KIF19: variants seen among roughly 807,000 people sequenced by gnomAD.
KIF19 encodes the protein kinesin-like protein KIF19.
Under a neutral mutation model 106.6 loss-of-function variants are expected in KIF19, and 98 were observed. The observed-to-expected ratio is 0.92, with a 90% CI of 0.78 to 1.09. The LOEUF (loss-of-function observed/expected upper bound fraction) is 1.09, where lower values mean the gene tolerates loss of function less well. Ranked by LOEUF, KIF19 falls within the 50% of genes least tolerant of loss-of-function variation. The probability of loss-of-function intolerance (pLI) is 0.00; values close to 1 mark genes in which losing one functional copy is unlikely to be tolerated. For missense variants in KIF19, 1,373 were observed against 1,414.3 expected (o/e 0.97, Z 0.47); for synonymous variants, 516 against 584.2 (o/e 0.88, Z 1.68).
At chr17:74,348,401 G>C (rs914162120) in intron 9 of KIF19, among the ~76,000 whole-genome samples, 9 of 152,278 alleles carry the variant, frequency 5.9e-5, no homozygotes, top group Non-Finnish European at 1.3e-4. Context: ...ATGGAAATGA[G>C]ATCTGCCCCG....
At chr17:74,355,148 G>A (rs771211620) in intron 19 of KIF19, 34 bp from the exon 20 acceptor site, 38 of 1,562,164 alleles carry the variant, frequency 2.4e-5, no homozygotes, top group East Asian at 4.5e-5. Flanking sequence ...GAGGCATTCC[G>A]AAACCACTGA....
At chr17:74,338,229 C>G (rs552843939) in intron 2 of KIF19, among the ~76,000 whole-genome samples, 1 of 152,364 alleles carries the variant, frequency 6.6e-6, no homozygotes, top group Admixed American at 6.5e-5. Context: ...AGAGCGGGAG[C>G]AGCTGGCTGG....
chr17:74,344,977 G>A (rs1338086880), intron 7 of KIF19, 22 bp downstream of exon 7: 1 of 1,577,036 alleles, frequency 6.3e-7, no homozygotes, highest in East Asian at 2.3e-5. Context: ...ACCTGGGCTG[G>A]GCAGAGGAGG....
chr17:74,344,378 C>T lies in KIF19; in HGVS notation c.582+30C>T, dbSNP rs114357751. On this transcript the variant is annotated intron_variant, in intron 6 of 19. Transcript: ENST00000389916. ...GTTTTGTGTGGCCAGCCTGGAGCCG[C>T]TGAGAGGAAGCTCACCGCCTGAGGG... 697 of 1,606,522 alleles carry T rather than the reference C, an allele frequency of 4.3e-4. 3 individuals are homozygous for T. In the African/African-American group the frequency reaches 8.0e-3, roughly 18 times the overall value.
intron 2 of KIF19, among the ~76,000 whole-genome samples, chr17:74,336,888 C>G (rs2054231216): frequency 6.6e-6 from 1 of 152,096 alleles, no homozygotes; most frequent in Non-Finnish European, 1.5e-5. Context: ...TGTGGTGGCA[C>G]AATCTTGGCT....
intron 2 of KIF19, among the ~76,000 whole-genome samples, chr17:74,338,661 A>G (rs2054280369): frequency 6.6e-6 from 1 of 151,892 alleles, no homozygotes; most frequent in African/African-American, 2.4e-5. Flanking sequence ...AACCTATCCC[A>G]GGAGTCCAGG....
At chr17:74,347,322 A>G (rs9783811) in intron 8 of KIF19, among the ~76,000 whole-genome samples, 15,736 of 152,200 alleles carry the variant, frequency 0.1, 917 homozygotes, top group Admixed American at 0.13. Context: ...GGATCACTTA[A>G]GGTCAGGAGT....
intron 2 of KIF19, among the ~76,000 whole-genome samples, chr17:74,332,218 G>GTGTGTGTGTGTGTGTGTGTGTT (rs2054112824): frequency 9.0e-6 from 1 of 110,698 alleles, no homozygotes; most frequent in African/African-American, 3.4e-5. Context: ...GTTTGTGTGT[G>GTGTGTGTGTGTGTGTGTGTGTT]TGTGTGTGTG....
rs1239503199 is a variant in KIF19, at chr17:74,331,417, C to A, written c.120+2912C>A. On this transcript the variant is annotated intron_variant, in intron 2 of 19. Coordinates refer to ENST00000389916, the MANE Select transcript of KIF19 (RefSeq NM_153209.4). The surrounding 1 kb of genome is among the most constrained non-coding windows in gnomAD (Gnocchi z 4.1). ...TGGGCCACCGTGAGGGGTCCTGGGG[C>A]AGCTTTCTTTAGTCTAGGCATTGTT... Among the ~76,000 whole-genome samples the A allele has an allele frequency of 6.6e-6, 1 of 152,072 alleles. No homozygotes were observed. Among genetic ancestry groups the A allele is most frequent in the Non-Finnish European group, 1.5e-5 (1 of 68,008 alleles).
At chr17:74,326,478 C>T in intron 1 of KIF19, 90 bp downstream of exon 1, 2 of 1,287,892 alleles carry the variant, frequency 1.6e-6, no homozygotes, top group South Asian at 1.3e-5. Flanking sequence ...CTCGCCGCCA[C>T]CCCACTGAGA....
chr17:74,355,253 C>T lies in KIF19; in HGVS notation c.2938C>T (p.Pro980Ser), dbSNP rs764772160. 1.4e-5 allele frequency: 23 copies of T among 1,612,596 alleles called. No individual in the cohort carries two copies. The highest frequency in any genetic ancestry group is 1.9e-5 in the Non-Finnish European group (23 of 1,179,640). ...TGGTTCTCGACGGGCTACCCGTGGG[C>T]CCCGCCTGCCCCACGGCACAAGCAC... ...GGGSRRATRG[P>S]RLPHGTSTHG... Residue 980 changes from proline to serine, a missense_variant, in exon 20 of 20, where the codon CCC (proline) becomes TCC (serine). By Grantham distance (74) the Pro-to-Ser change is moderately conservative. Coordinates refer to ENST00000389916, the MANE Select transcript of KIF19 (RefSeq NM_153209.4).
In KIF19 at chr17:74,350,859, G is replaced by T. The variant is rs775387801; in HGVS notation, c.1541G>T (p.Ser514Ile). 1.6e-5 allele frequency: 26 copies of T among 1,613,908 alleles called. 1 individual carries two copies. The South Asian group carries it at 1.6e-4, about 10-fold the overall frequency. ...EPPEVAAARE[S>I]IAALVDEQKQ... The stretch of plus-strand genomic sequence containing the variant: ...CCCGAGGTGGCCGCAGCCCGGGAGA[G>T]CATTGCAGCCCTGGTGGACGAGCAG... Residue 514 changes from serine (S) to isoleucine (I), a missense_variant, in exon 12 of 20, where the codon AGC becomes ATC. Ser to Ile is a moderately radical substitution (Grantham distance 142). Coordinates refer to ENST00000389916, the MANE Select transcript of KIF19 (RefSeq NM_153209.4).
Position 74,353,494 on chromosome 17 carries a change from G to A in KIF19, c.2221G>A (p.Ala741Thr). The A allele has an allele frequency of 6.2e-7, 1 of 1,613,692 alleles. No homozygotes were observed. The change falls in exon 17 of 20, where the codon GCC becomes ACC. Residue 741 changes from alanine (A) to threonine (T), a missense_variant and splice_region_variant. Ala to Thr is a moderately conservative substitution (Grantham distance 58). Around this residue, in one of 3 missense-constraint regions of KIF19, gnomAD observed 1,020 missense variants for 1,008.2 expected, o/e 1.01. Coordinates refer to ENST00000389916, the MANE Select transcript of KIF19 (RefSeq NM_153209.4). ...TCCTCCCAACCACTCCACCCCACAG[G>A]CCCCGGCTCAGGACAGCCTGGGCAG... is the stretch of plus-strand genomic sequence containing the variant. ...IQLGSLVTQEAPAQDSLGSWI... is the reference protein window; with the variant it reads ...IQLGSLVTQETPAQDSLGSWI...
rs115845085 is a variant in KIF19 at position 74,343,291 on chromosome 17, G to A, written c.456+131G>A. The A allele has an allele frequency of 1.3e-3, 1,255 of 932,870 alleles. 14 individuals carry two copies. The African/African-American group carries it at 0.019, about 14-fold the overall frequency. 57.8% of individuals were successfully genotyped at this position (932,870 alleles called of 1,614,324 possible). On this transcript the variant is annotated intron_variant, in intron 5 of 19. Transcript: ENST00000389916. ...CTGTGAGCTCCACTTTACAAACATC[G>A]CAGGCTCATCAGAGAGGTTAGGCAA... is the stretch of plus-strand genomic sequence containing the variant.
rs560217359 is a variant in KIF19, at chr17:74,354,746, C to T, written c.2707-36C>T. 4.3e-5 allele frequency: 67 copies of T among 1,542,292 alleles called. 1 individual carries two copies. The South Asian group carries it at 6.3e-4, about 15-fold the overall frequency. The stretch of plus-strand genomic sequence containing the variant: ...AGATCCTGGTAGCAGATCCCTGTGC[C>T]GCTCTCGGCCTCACCCCACTGTTCA... On this transcript the variant is annotated intron_variant, in intron 18 of 19. Coordinates refer to ENST00000389916, the MANE Select transcript of KIF19 (RefSeq NM_153209.4).
In KIF19 at chr17:74,350,729, C is replaced by G; in HGVS notation, c.1411C>G (p.Arg471Gly). The change falls in exon 12 of 20, where the codon CGG becomes GGG. Residue 471 changes from arginine (R) to glycine (G), a missense_variant. By Grantham distance (125) the Arg-to-Gly change is moderately radical (BLOSUM62 -2). This residue lies in a region of KIF19 where 1,020 missense variants were observed against 1,008.2 expected (regional missense o/e 1.01). Coordinates refer to ENST00000389916, the MANE Select transcript of KIF19 (RefSeq NM_153209.4). ...IAGWKHEKSR[R>G]ALKWREEQRK... ...CAGCTGGAAGCATGAGAAGTCCCGC[C>G]GGGCCCTCAAATGGCGGGAGGAGCA... 1 of 1,613,830 alleles carries G rather than the reference C, an allele frequency of 6.2e-7. No individual in the cohort carries two copies. Among genetic ancestry groups the G allele is most frequent in the South Asian group, 1.1e-5 (1 of 91,068 alleles).
intron 2 of KIF19, among the ~76,000 whole-genome samples, chr17:74,339,560 C>A (rs2054304461): frequency 6.6e-6 from 1 of 151,278 alleles, no homozygotes; most frequent in South Asian, 2.1e-4. Flanking sequence ...CATTCCCTAC[C>A]TCCCTCGCCC....
intron 19 of KIF19, 36 bp downstream of exon 19, chr17:74,354,977 C>A: frequency 1.3e-6 from 2 of 1,570,106 alleles, no homozygotes; most frequent in Non-Finnish European, 1.7e-6. Flanking sequence ...GGAGGGGAGG[C>A]CTCCACCAGG....
chr17:74,353,177 C>A lies in KIF19; in HGVS notation c.2115-19C>A. The stretch of plus-strand genomic sequence containing the variant: ...GATAGCCTGGTCTACAGCCACTCAT[C>A]TTCCTCTGCCAACTTCAGTGAAGGC... On this transcript the variant is annotated intron_variant, in intron 15 of 19. Transcript: ENST00000389916. The A allele has an allele frequency of 1.3e-6, 2 of 1,564,532 alleles. No individual in the cohort carries two copies. Among genetic ancestry groups the A allele is most frequent in the South Asian group, 2.3e-5 (2 of 85,192 alleles).
Sources: gnomAD v4.1 joint callset for allele counts (sites outside exome capture counted in the v4.1 genomes callset) on GRCh38, gnomAD v4.1.1 for gene constraint, gnomAD v4.1.1 regional missense constraint, Gnocchi (gnomAD v3.1) non-coding constraint, MANE v1.5 for transcripts, NCBI Gene and HGNC (gene_info 2026-07-23, HGNC 2026-07-21) for gene names.